GPR19: variants seen among roughly 807,000 people sequenced by gnomAD.
GPR19 encodes the protein G protein-coupled receptor 19.
Under a neutral mutation model 28.5 loss-of-function variants are expected in GPR19, and 14 were observed. The ratio of observed to expected loss-of-function variants is 0.49; its 90% confidence interval spans 0.32 to 0.77. The LOEUF is 0.77. Among genes scored for constraint, GPR19 ranks in the 30% least tolerant of loss-of-function variants. The probability of loss-of-function intolerance (pLI) is 0.03; values close to 1 mark genes in which losing one functional copy is unlikely to be tolerated. For synonymous variants in GPR19, 173 were observed against 184.1 expected (o/e 0.94, Z 0.49); for missense variants, 409 against 504.1 (o/e 0.81, Z 1.81).
chr12:12,677,309 C>T (rs1268892860), intron 3 of GPR19, among the ~76,000 whole-genome samples: 6 of 151,040 alleles, frequency 4.0e-5, no homozygotes, highest in African/African-American at 9.8e-5. Context: ...TAGGTTGAAG[C>T]GATTCTCATG....
upstream of GPR19, among the ~76,000 whole-genome samples, chr12:12,699,533 C>T (rs1946304091): frequency 6.6e-6 from 1 of 152,174 alleles, no homozygotes; most frequent in Non-Finnish European, 1.5e-5. Flanking sequence ...CCTATAGTCC[C>T]AGCTACCCAG....
intron 3 of GPR19, among the ~76,000 whole-genome samples, chr12:12,677,568 C>G (rs950189071): frequency 6.6e-6 from 1 of 152,012 alleles, no homozygotes; most frequent in Non-Finnish European, 1.5e-5. Flanking sequence ...TGAGCCACTG[C>G]GCCTGGCCAC....
At chr12:12,686,184 T>G (rs74475305) in intron 2 of GPR19, among the ~76,000 whole-genome samples, 1 of 152,160 alleles carries the variant, frequency 6.6e-6, no homozygotes, top group Non-Finnish European at 1.5e-5. Flanking sequence ...AATGCTGACT[T>G]GCAATGTGTA....
chr12:12,679,876 A>T (rs1192353873), intron 3 of GPR19, among the ~76,000 whole-genome samples: 1 of 152,214 alleles, frequency 6.6e-6, no homozygotes, highest in East Asian at 1.9e-4. Context: ...ATAAAATTAG[A>T]ATAAATAATA....
the GPR19 span, among the ~76,000 whole-genome samples, chr12:12,702,206 T>C: frequency 6.6e-6 from 1 of 151,810 alleles, no homozygotes; most frequent in Non-Finnish European, 1.5e-5. Flanking sequence ...TAAATATTTG[T>C]TGAATTTAAT....
chr12:12,693,271 C>T (rs1271380528), intron 2 of GPR19, among the ~76,000 whole-genome samples: 1 of 152,172 alleles, frequency 6.6e-6, no homozygotes, highest in Non-Finnish European at 1.5e-5. Context: ...GATAGGCTAC[C>T]GGAAAACACT....
At chr12:12,668,182 G>A (rs1234865409) in intron 3 of GPR19, among the ~76,000 whole-genome samples, 1 of 152,162 alleles carries the variant, frequency 6.6e-6, no homozygotes, top group Non-Finnish European at 1.5e-5. Context: ...AGCCAGTTTA[G>A]TGTTTACCTA....
intron 3 of GPR19, among the ~76,000 whole-genome samples, chr12:12,676,668 C>A (rs972477865): frequency 2.6e-5 from 4 of 152,212 alleles, no homozygotes; most frequent in African/African-American, 9.7e-5. Context: ...TGTTTGCTTT[C>A]CATTCTATCT....
chr12:12,672,434 A>G (rs1214547297), intron 3 of GPR19, among the ~76,000 whole-genome samples: 2 of 151,954 alleles, frequency 1.3e-5, no homozygotes, highest in Non-Finnish European at 2.9e-5. Flanking sequence ...GATACAATGT[A>G]AAAAAAACAA....
upstream of GPR19, among the ~76,000 whole-genome samples, chr12:12,696,636 T>TACG (rs1236852725): frequency 6.6e-6 from 1 of 152,214 alleles, no homozygotes; most frequent in Non-Finnish European, 1.5e-5. Context: ...CTTTTCACTC[T>TACG]ACGAAAAAGC....
chr12:12,709,328 T>C, the GPR19 span, among the ~76,000 whole-genome samples: 1 of 152,164 alleles, frequency 6.6e-6, no homozygotes, highest in Non-Finnish European at 1.5e-5. Context: ...GGGCTGTCTG[T>C]CTTCCTAAAA....
upstream of GPR19, among the ~76,000 whole-genome samples, chr12:12,697,164 A>AAAAAAAAAAAAAAAAAAAAAAAAAAC (rs1224241926): frequency 1.3e-5 from 2 of 148,672 alleles, 1 homozygote; most frequent in South Asian, 4.2e-4. Context: ...AAAAAAAAAA[A>AAAAAAAAAAAAAAAAAAAAAAAAAAC]AAAAAAAAAA....
At chr12:12,697,074 A>G (rs1215612182), upstream of GPR19, among the ~76,000 whole-genome samples, 1 of 148,752 alleles carries the variant, frequency 6.7e-6, no homozygotes, top group Non-Finnish European at 1.5e-5. Context: ...AATGCAAATA[A>G]GACCAAACCT....
At chr12:12,696,301 G>C (rs1189111946), upstream of GPR19, 1 of 143,778 alleles carries the variant, frequency 7.0e-6, no homozygotes, top group Non-Finnish European at 1.5e-5. Flanking sequence ...TGGCCGGCTA[G>C]TATGAAGGTT....
the GPR19 span, among the ~76,000 whole-genome samples, chr12:12,711,557 C>A: frequency 6.6e-6 from 1 of 152,158 alleles, no homozygotes; most frequent in Non-Finnish European, 1.5e-5. Context: ...AAAGCCACAC[C>A]TAATTGCAAA....
upstream of GPR19, among the ~76,000 whole-genome samples, chr12:12,699,978 C>CTTTTTTTTT (rs10716814): frequency 8.4e-6 from 1 of 119,412 alleles, no homozygotes. Flanking sequence ...AGCTTTCTTT[C>CTTTTTTTTT]TTTTTTTTTT....
At chr12:12,693,538 T>C (rs771551180) in intron 2 of GPR19, among the ~76,000 whole-genome samples, 1 of 152,248 alleles carries the variant, frequency 6.6e-6, no homozygotes, top group African/African-American at 2.4e-5. Context: ...GACACTCTTC[T>C]ATCTCTACAG....
chr12:12,682,722 G>A (rs10744000), intron 3 of GPR19, among the ~76,000 whole-genome samples: 149,901 of 152,306 alleles, frequency 0.98, 73,811 homozygotes, highest in East Asian at 1. Context: ...GAAGGGAACT[G>A]GTAACTTTTC....
intron 3 of GPR19, among the ~76,000 whole-genome samples, chr12:12,679,047 T>G (rs1463746988): frequency 1.3e-5 from 2 of 152,182 alleles, no homozygotes; most frequent in Non-Finnish European, 2.9e-5. Flanking sequence ...TCTGCCCACC[T>G]CAGCCTCCCA....
Sources: gnomAD v4.1 joint callset for allele counts (sites outside exome capture counted in the v4.1 genomes callset) on GRCh38, gnomAD v4.1.1 for gene constraint, MANE v1.5 for transcripts, NCBI Gene and HGNC (gene_info 2026-07-23, HGNC 2026-07-21) for gene names.